The following RAP1GAP2 variants were observed in gnomAD, a reference collection of about 807,000 sequenced individuals.
RAP1GAP2 encodes the protein rap1 GTPase-activating protein 2.
A neutral mutation model predicts 95.0 loss-of-function variants in RAP1GAP2; 27 were observed. The observed-to-expected ratio is 0.28, with a 90% confidence interval of 0.21 to 0.39. RAP1GAP2 has a LOEUF of 0.39. RAP1GAP2 is among the 10% of genes least tolerant of loss of function. The pLI is 1.00. For missense variants in RAP1GAP2, 771 were observed against 970.0 expected, an observed-to-expected ratio of 0.79 and a Z score of 2.72; for synonymous variants, 373 against 380.9, an observed-to-expected ratio of 0.98 and a Z score of 0.24.
Position 2,933,918 on chromosome 17 carries a change from G to A in RAP1GAP2, c.166-23841G>A, listed in dbSNP as rs145637661. Among the ~76,000 whole-genome samples, 59 of 152,360 alleles carry A rather than the reference G, an allele frequency of 3.9e-4. No individual in the cohort carries two copies. The East Asian group carries it at 7.3e-3, about 19-fold the overall frequency. On this transcript the variant is annotated intron_variant, in intron 3 of 24. Transcript: ENST00000254695. ...AGAGTCTGTGGCGTAGGAACCTTAC[G>A]CCTTAACCAGCGTGGGCAGCTCGGA...
rs149519147 is a variant in RAP1GAP2 at position 2,911,207 on chromosome 17, T to A, written c.165+5839T>A. On this transcript the variant is annotated intron_variant, in intron 3 of 24. Coordinates refer to ENST00000254695, the MANE Select transcript of RAP1GAP2 (RefSeq NM_015085.5). The stretch of plus-strand genomic sequence containing the variant: ...CCACCCTCACTGGCGTGCCTGCTGC[T>A]ACCCGACCTATACGCACCCTCCCCC... Among the ~76,000 whole-genome samples the A allele has an allele frequency of 1.3e-4, 19 of 150,732 alleles. No homozygotes were observed. The South Asian group carries it at 1.7e-3, about 13-fold the overall frequency.
At position 2,910,113 on chromosome 17, in the gene RAP1GAP2, G is replaced by A. The variant is rs117424669; in HGVS notation, c.165+4745G>A. The stretch of plus-strand genomic sequence containing the variant: ...ATGACATTGATGAAATAATATTGCA[G>A]CTCCTGCTTGCAGGCTGTCCGATTC... On this transcript the variant is annotated intron_variant, in intron 3 of 24. Transcript: ENST00000254695. 6.6e-5 allele frequency among the ~76,000 whole-genome samples: 10 copies of A among 152,324 alleles called. No individual in the cohort carries two copies. The East Asian group carries it at 1.7e-3, about 26-fold the overall frequency.
chr17:2,854,051 T>G, intron 2 of RAP1GAP2: 1 of 985,188 alleles, frequency 1.0e-6, no homozygotes. Flanking sequence ...CGCGCCGCCG[T>G]GGTGCTCATC....
At position 2,985,046 on chromosome 17, in the gene RAP1GAP2, A is replaced by G; in HGVS notation, c.793A>G (p.Ile265Val). The G allele has an allele frequency of 6.2e-7, 1 of 1,613,878 alleles. No individual in the cohort carries two copies. Residue 265 changes from isoleucine to valine, a missense_variant, in exon 11 of 25, where the codon ATT becomes GTT. Coordinates refer to ENST00000254695, the MANE Select transcript of RAP1GAP2 (RefSeq NM_015085.5). ...CAACAACACATTCAAATTCGGAGTC[A>G]TTTATCAAAAAGCCAGGCAGGTAAG... is the stretch of plus-strand genomic sequence containing the variant. ...EVNNTFKFGV[I>V]YQKARQTLEE...
chr17:2,952,622 T>C (rs1157488666), intron 3 of RAP1GAP2, among the ~76,000 whole-genome samples: 1 of 152,176 alleles, frequency 6.6e-6, no homozygotes, highest in Non-Finnish European at 1.5e-5. Flanking sequence ...TGTTTCTCAT[T>C]CCTGCCAGCT....
chr17:2,948,111 T>C (rs2043774226), intron 3 of RAP1GAP2, among the ~76,000 whole-genome samples: 1 of 152,192 alleles, frequency 6.6e-6, no homozygotes, highest in Non-Finnish European at 1.5e-5. Flanking sequence ...TGTGCCAGGC[T>C]CTGTACACGC....
Position 2,965,524 on chromosome 17 carries a change from C to G in RAP1GAP2, c.493-16C>G, listed in dbSNP as rs1199369160. The G allele has an allele frequency of 1.9e-5, 31 of 1,592,854 alleles. 1 individual carries two copies. Among genetic ancestry groups the G allele is most frequent in the Non-Finnish European group, 2.7e-5 (31 of 1,167,054 alleles). On this transcript the variant is annotated splice_polypyrimidine_tract_variant and intron_variant, in intron 7 of 24. Coordinates refer to ENST00000254695, the MANE Select transcript of RAP1GAP2 (RefSeq NM_015085.5). The surrounding 1 kb of genome is among the most constrained non-coding windows in gnomAD (Gnocchi z 4.7). ...TTTCTTCCTCCTTCCTGCTCACACT[C>G]AGTTTCTTTTTTTAGGATCATCTAA...
intron 17 of RAP1GAP2, among the ~76,000 whole-genome samples, chr17:3,014,415 A>G (rs1420823561): frequency 6.6e-6 from 1 of 152,230 alleles, no homozygotes; most frequent in Admixed American, 6.5e-5. Context: ...TCATCTATGC[A>G]GTCTGTTGAC....
chr17:2,758,946 C>T (rs979674370), intron 1 of RAP1GAP2, among the ~76,000 whole-genome samples: 1 of 152,086 alleles, frequency 6.6e-6, no homozygotes, highest in African/African-American at 2.4e-5. Context: ...ATCAGCTTCC[C>T]ATGTAGCTGG....
At chr17:3,019,741 T>C (rs1055859014) in intron 18 of RAP1GAP2, among the ~76,000 whole-genome samples, 5 of 152,234 alleles carry the variant, frequency 3.3e-5, no homozygotes, top group Non-Finnish European at 7.3e-5. Context: ...ATCCTGTGGA[T>C]GAGGAGACTC....
intron 2 of RAP1GAP2, among the ~76,000 whole-genome samples, chr17:2,890,113 G>A (rs1372320253): frequency 6.6e-6 from 1 of 151,672 alleles, no homozygotes; most frequent in Admixed American, 6.6e-5. Context: ...ATGCTTGGTT[G>A]CATGGCCATG....
intron 13 of RAP1GAP2, among the ~76,000 whole-genome samples, chr17:2,997,803 A>G (rs1027453946): frequency 2.6e-5 from 4 of 151,876 alleles, no homozygotes; most frequent in Admixed American, 1.3e-4. Context: ...CGCGTCTGTA[A>G]TCCCAGCTAC....
rs1340058334 is a variant in RAP1GAP2 at position 3,006,111 on chromosome 17, C to T, written c.1359+70C>T. 3.7e-6 allele frequency: 3 copies of T among 818,902 alleles called. No homozygotes were observed. In the South Asian group the frequency reaches 4.5e-5, roughly 12 times the overall value. The allele number at this position is 818,902 out of a possible 1,614,324, so 50.7% of individuals were successfully genotyped here. ...ACCTGTTAGCCAGCCTCATCCAGGG[C>T]TCCTCCATCTTTTTTTTTTTTTTTT... On this transcript the variant is annotated intron_variant, in intron 16 of 24. Coordinates refer to ENST00000254695, the MANE Select transcript of RAP1GAP2 (RefSeq NM_015085.5).
intron 2 of RAP1GAP2, among the ~76,000 whole-genome samples, chr17:2,874,588 A>G (rs1323900001): frequency 1.3e-5 from 2 of 152,112 alleles, no homozygotes; most frequent in Non-Finnish European, 2.9e-5. Flanking sequence ...AGGGGGAGGG[A>G]GAAAGGACCC....
chr17:2,966,853 G>T (rs73976737), intron 8 of RAP1GAP2, among the ~76,000 whole-genome samples: 3,568 of 152,188 alleles, frequency 0.023, 157 homozygotes, highest in African/African-American at 0.08. Flanking sequence ...TAGCATTTTT[G>T]AATAAGATGA....
chr17:2,844,219 G>C (rs1033347450), intron 2 of RAP1GAP2, among the ~76,000 whole-genome samples: 4 of 151,828 alleles, frequency 2.6e-5, no homozygotes, highest in African/African-American at 9.7e-5. Flanking sequence ...ATGGTGTTTC[G>C]CCATTTTAAC....
intron 22 of RAP1GAP2, among the ~76,000 whole-genome samples, chr17:3,028,144 G>A (rs1350639111): frequency 6.6e-6 from 1 of 152,084 alleles, no homozygotes; most frequent in African/African-American, 2.4e-5. Context: ...AAAATGAAGG[G>A]AGGGGAAGAG....
chr17:2,944,535 T>C (rs2151439260), intron 3 of RAP1GAP2, among the ~76,000 whole-genome samples: 1 of 152,334 alleles, frequency 6.6e-6, no homozygotes, highest in East Asian at 1.9e-4. Flanking sequence ...TTGATCACTG[T>C]AGCTTTATAG....
At chr17:2,792,102 C>T (rs965555978), upstream of RAP1GAP2, among the ~76,000 whole-genome samples, 5 of 39,100 alleles carry the variant, frequency 1.3e-4, no homozygotes, top group African/African-American at 1.9e-4. Context: ...TCAGGTGATC[C>T]GCTTGCCTCG....
Sources: allele counts gnomAD v4.1 joint callset (sites outside exome capture counted in the v4.1 genomes callset), GRCh38; gene constraint gnomAD v4.1.1; non-coding constraint Gnocchi (gnomAD v3.1); transcripts MANE v1.5; gene names NCBI Gene and HGNC (gene_info 2026-07-23, HGNC 2026-07-21).